GRHL2: variants seen among roughly 807,000 people sequenced by gnomAD.
The protein encoded by GRHL2 is grainyhead like transcription factor 2, also known as grainyhead-like protein 2 homolog.
A neutral mutation model predicts 83.8 loss-of-function variants in GRHL2; 21 were observed. The observed-to-expected ratio is 0.25, with a 90% confidence interval of 0.18 to 0.36. The LOEUF (loss-of-function observed/expected upper bound fraction) is 0.36. GRHL2 is among the 10% of genes least tolerant of loss of function. The pLI is 1.00. For synonymous variants in GRHL2, 280 were observed against 278.9 expected, an observed-to-expected ratio of 1.00 and a Z score of -0.04; for missense variants, 623 against 781.8, an observed-to-expected ratio of 0.80 and a Z score of 2.42.
chr8:101,535,662 C>G (rs1375455366), intron 1 of GRHL2, among the ~76,000 whole-genome samples: 3 of 152,148 alleles, frequency 2.0e-5, no homozygotes, highest in Non-Finnish European at 4.4e-5. Context: ...CCTCAGCCTC[C>G]CAAGTAGCTG....
chr8:101,497,195 G>A (rs1229243799), intron 1 of GRHL2, among the ~76,000 whole-genome samples: 1 of 152,096 alleles, frequency 6.6e-6, no homozygotes, highest in Non-Finnish European at 1.5e-5. Flanking sequence ...GGATCCCTGG[G>A]GATTGAAACT....
chr8:101,603,460 A>G (rs1812561046), intron 8 of GRHL2, among the ~76,000 whole-genome samples: 1 of 152,230 alleles, frequency 6.6e-6, no homozygotes, highest in African/African-American at 2.4e-5. Flanking sequence ...GCTGACTTAC[A>G]TTTTATTTCT....
chr8:101,524,908 T>C (rs1339989272), intron 1 of GRHL2, among the ~76,000 whole-genome samples: 2 of 152,108 alleles, frequency 1.3e-5, no homozygotes, highest in East Asian at 3.9e-4. Context: ...GCCATACCAT[T>C]ATTTTTATTT....
chr8:101,500,657 C>T (rs746706355), intron 1 of GRHL2, among the ~76,000 whole-genome samples: 2 of 152,024 alleles, frequency 1.3e-5, no homozygotes, highest in South Asian at 2.1e-4. Flanking sequence ...TATAGGTGTG[C>T]GCCACTATGC....
chr8:101,590,363 G>T (rs1812254313), intron 7 of GRHL2, among the ~76,000 whole-genome samples: 1 of 152,158 alleles, frequency 6.6e-6, no homozygotes, highest in South Asian at 2.1e-4. Context: ...CATTTATTCT[G>T]CCTGTTTCAA....
In GRHL2 at chr8:101,558,509, C is replaced by T. The variant is rs1224579821; in HGVS notation, c.375C>T (p.Ser125=). 6.2e-7 allele frequency: 1 copy of T among 1,614,044 alleles called. No homozygotes were observed. Among genetic ancestry groups the T allele is most frequent in the East Asian group, 2.2e-5 (1 of 44,870 alleles). Residue 125 remains serine, a synonymous_variant, in exon 4 of 16, where the codon TCC becomes TCT. Coordinates refer to ENST00000646743, the MANE Select transcript of GRHL2 (RefSeq NM_024915.4). ...QVLKTVPVNL[S]LNQDHLENSK... ...TAAAGACTGTTCCAGTGAACCTTTC[C>T]CTAAATCAAGATCACCTGGAGAATT...
intron 7 of GRHL2, among the ~76,000 whole-genome samples, chr8:101,582,081 T>G (rs1812064855): frequency 2.0e-5 from 3 of 151,920 alleles, no homozygotes; most frequent in Admixed American, 6.6e-5. Context: ...CTACTAAAAA[T>G]ATAAAAATTA....
rs59898617 is a variant in GRHL2 at position 101,509,209 on chromosome 8, T to TTGTGTGTGTGTGTG, written c.20+16444_20+16457dup. ...CTTTTCTCTCTTTCTTTCTTTCTTCTTGTGTGTGTGTGTGTGTGTGTGTGT... is the reference window on the plus strand; with the variant it reads ...CTTTTCTCTCTTTCTTTCTTTCTTCTTGTGTGTGTGTGTGTGTGTGTGTGTGTGTGTGTGTGTGT... On this transcript the variant is annotated intron_variant, in intron 1 of 15. Coordinates refer to ENST00000646743, the MANE Select transcript of GRHL2 (RefSeq NM_024915.4). Among the ~76,000 whole-genome samples the TTGTGTGTGTGTGTG allele has an allele frequency of 9.5e-3, 509 of 53,728 alleles. 20 individuals are homozygous for TTGTGTGTGTGTGTG. Among genetic ancestry groups the TTGTGTGTGTGTGTG allele is most frequent in the African/African-American group, 0.02 (449 of 22,412 alleles). The allele number at this position is 53,728 out of a possible 152,430, so 35.2% of individuals were successfully genotyped here. A position where few individuals can be genotyped will look rare whatever the true frequency, so the allele number is the denominator to read the frequency against.
intron 1 of GRHL2, among the ~76,000 whole-genome samples, chr8:101,525,544 T>C (rs1298743124): frequency 6.6e-6 from 1 of 151,986 alleles, no homozygotes; most frequent in Non-Finnish European, 1.5e-5. Context: ...CTTTTTGAGA[T>C]GATATCTTGA....
intron 4 of GRHL2, among the ~76,000 whole-genome samples, chr8:101,563,315 A>G (rs1586098436): frequency 1.3e-5 from 2 of 152,132 alleles, no homozygotes; most frequent in Admixed American, 1.3e-4. Flanking sequence ...GATTCACCAA[A>G]ATCTTTTTAA....
chr8:101,492,929 C>CT (rs1809995644), intron 1 of GRHL2, 140 bp downstream of exon 1: 14 of 785,666 alleles, frequency 1.8e-5, no homozygotes, highest in South Asian at 1.2e-4. Context: ...TGGATCCAGA[C>CT]TTTTCCGCAT....
intron 12 of GRHL2, among the ~76,000 whole-genome samples, chr8:101,637,812 T>C (rs1813320053): frequency 6.6e-6 from 1 of 152,216 alleles, no homozygotes; most frequent in African/African-American, 2.4e-5. Context: ...TTCTACCCGT[T>C]GGCCTTAGTT....
intron 2 of GRHL2, among the ~76,000 whole-genome samples, chr8:101,548,650 A>T (rs1332912606): frequency 2.0e-5 from 3 of 152,258 alleles, no homozygotes; most frequent in Non-Finnish European, 2.9e-5. Flanking sequence ...CAGGATGTCC[A>T]GGTAGGGACA....
chr8:101,673,896 AAG>A (rs1183058350), downstream of GRHL2, among the ~76,000 whole-genome samples: 1 of 152,208 alleles, frequency 6.6e-6, no homozygotes, highest in African/African-American at 2.4e-5. Flanking sequence ...ACTCAGGACT[AAG>A]AAACTCATTC....
chr8:101,657,210 A>T (rs949481910), intron 14 of GRHL2, among the ~76,000 whole-genome samples: 1 of 152,210 alleles, frequency 6.6e-6, no homozygotes, highest in African/African-American at 2.4e-5. Flanking sequence ...GTGAATGAAC[A>T]GCATATAACT....
chr8:101,558,409 C>T lies in GRHL2; in HGVS notation c.285-10C>T, dbSNP rs749925028. 3 of 1,614,020 alleles carry T rather than the reference C, an allele frequency of 1.9e-6. No individual in the cohort carries two copies. The highest frequency in any genetic ancestry group is 1.1e-5 in the South Asian group (1 of 91,064). On this transcript the variant is annotated splice_polypyrimidine_tract_variant and intron_variant, in intron 3 of 15. Coordinates refer to ENST00000646743, the MANE Select transcript of GRHL2 (RefSeq NM_024915.4). ...AATTCTATCATGTTGCGGGGGGTTT[C>T]AACACACAGAAACTGCCTTGGCACC...
At chr8:101,519,996 G>A (rs942202105) in intron 1 of GRHL2, among the ~76,000 whole-genome samples, 1 of 152,156 alleles carries the variant, frequency 6.6e-6, no homozygotes, top group African/African-American at 2.4e-5. Context: ...GCAAACTCAA[G>A]TTTAATTGGC....
chr8:101,550,665 G>A (rs1811361742), intron 2 of GRHL2, among the ~76,000 whole-genome samples: 1 of 152,174 alleles, frequency 6.6e-6, no homozygotes, highest in Non-Finnish European at 1.5e-5. Context: ...GTGGCATTAA[G>A]TACATTCACA....
At chr8:101,524,234 T>G (rs1021025037) in intron 1 of GRHL2, among the ~76,000 whole-genome samples, 5 of 152,326 alleles carry the variant, frequency 3.3e-5, no homozygotes, top group African/African-American at 9.6e-5. Context: ...TAAAATTGTC[T>G]TCCTTTTCTA....
Sources: gnomAD v4.1 joint callset for allele counts (sites outside exome capture counted in the v4.1 genomes callset) on GRCh38, gnomAD v4.1.1 for gene constraint, MANE v1.5 for transcripts, NCBI Gene and HGNC (gene_info 2026-07-23, HGNC 2026-07-21) for gene names.